Variants in RTN4IP1 observed in about 807,000 individuals in gnomAD.
RTN4IP1 encodes NAD(P)H oxidoreductase RTN4IP1, mitochondrial.
A neutral mutation model predicts 46.6 loss-of-function variants in RTN4IP1; 32 were observed. The observed-to-expected ratio is 0.69, with a 90% confidence interval of 0.52 to 0.92. The LOEUF (loss-of-function observed/expected upper bound fraction) is 0.92, where lower values mean the gene tolerates loss of function less well. Among genes scored for constraint, RTN4IP1 ranks in the 40% least tolerant of loss-of-function variants. RTN4IP1 has a pLI of 0.00. For missense variants in RTN4IP1, 424 were observed against 485.8 expected (o/e 0.87, Z 1.20); for synonymous variants, 167 against 161.8 (o/e 1.03, Z -0.24).
At chr6:106,629,632 C>CT, upstream of RTN4IP1, 3 of 1,577,348 alleles carry the variant, frequency 1.9e-6, no homozygotes, top group South Asian at 1.2e-5. Context: ...CCGGTGACCT[C>CT]TTTTTCCCCC....
intron 1 of RTN4IP1, 78 bp downstream of exon 1, chr6:106,628,670 G>A (rs1776721288): frequency 4.7e-6 from 6 of 1,281,472 alleles, no homozygotes; most frequent in South Asian, 2.9e-5. Flanking sequence ...CCAAAGAAGC[G>A]TAGTCAATTT....
At chr6:106,623,020 T>A (rs766307921) in intron 1 of RTN4IP1, 51 bp from the exon 2 acceptor site, 4 of 1,565,912 alleles carry the variant, frequency 2.6e-6, no homozygotes, top group Non-Finnish European at 1.8e-6. Flanking sequence ...TGAAATGCTT[T>A]TAAAACTACT....
rs185035279 is a variant in RTN4IP1 at position 106,581,551 on chromosome 6, C to G, written c.1083+1777G>C. 1.9e-3 allele frequency among the ~76,000 whole-genome samples: 289 copies of G among 152,332 alleles called. 2 individuals are homozygous for G. Among genetic ancestry groups the G allele is most frequent in the African/African-American group, 6.6e-3 (276 of 41,564 alleles). On this transcript the variant is annotated intron_variant, in intron 8 of 8. Coordinates refer to ENST00000369063, the MANE Select transcript of RTN4IP1 (RefSeq NM_032730.5). ...CAGTGCCACATACCAACTTCACAGT[C>G]CCAGAACCCCTCATTGCCAGAAATG...
At chr6:106,627,393 T>C (rs1025776398) in intron 1 of RTN4IP1, among the ~76,000 whole-genome samples, 6 of 152,142 alleles carry the variant, frequency 3.9e-5, no homozygotes, top group Non-Finnish European at 8.8e-5. Flanking sequence ...TACTCATAGA[T>C]AAAATACTGC....
intron 8 of RTN4IP1, among the ~76,000 whole-genome samples, 174 bp downstream of exon 8, chr6:106,583,154 C>T (rs1259074076): frequency 2.6e-5 from 4 of 152,156 alleles, no homozygotes; most frequent in Non-Finnish European, 5.9e-5. Flanking sequence ...TCTATGCCTC[C>T]CATGGAGACA....
At chr6:106,623,222 C>T (rs1418778410) in intron 1 of RTN4IP1, among the ~76,000 whole-genome samples, 1 of 152,130 alleles carries the variant, frequency 6.6e-6, no homozygotes, top group Non-Finnish European at 1.5e-5. Flanking sequence ...GAATACTATG[C>T]AGCCATAAAA....
chr6:106,629,584 A>T, upstream of RTN4IP1: 2 of 1,450,290 alleles, frequency 1.4e-6, no homozygotes, highest in Non-Finnish European at 1.9e-6. Flanking sequence ...GCTCAGTGAC[A>T]ATTAAAGATG....
chr6:106,622,028 C>A (rs1232310331), intron 2 of RTN4IP1, among the ~76,000 whole-genome samples: 1 of 151,790 alleles, frequency 6.6e-6, no homozygotes, highest in Admixed American at 6.6e-5. Context: ...CATTTAAAGG[C>A]CCTTTCAAGG....
intron 8 of RTN4IP1, among the ~76,000 whole-genome samples, chr6:106,578,207 T>C (rs188254400): frequency 6.6e-6 from 1 of 152,318 alleles, no homozygotes; most frequent in Admixed American, 6.5e-5. Flanking sequence ...GTCTGGATGA[T>C]TATTTAAGCA....
intron 1 of RTN4IP1, 69 bp from the exon 2 acceptor site, chr6:106,623,038 T>G: frequency 6.8e-7 from 1 of 1,462,352 alleles, no homozygotes. Flanking sequence ...ACTACAGGGT[T>G]ATAGTCCAGT....
In RTN4IP1 at chr6:106,572,133, TA is replaced by T. The variant is rs751122503; in HGVS notation, c.1084-31del. On this transcript the variant is annotated intron_variant, in intron 8 of 8. Transcript: ENST00000369063. ...AAAACATAAGAGGTTGACCGGTGGA[TA>T]AAAAAGCCTACATCTTTCAAGGCAG... The T allele has an allele frequency of 3.3e-6, 5 of 1,520,532 alleles. No individual in the cohort carries two copies. In the East Asian group the frequency reaches 1.1e-4, roughly 34 times the overall value. 94.2% of individuals were successfully genotyped at this position (1,520,532 alleles called of 1,614,324 possible).
intron 1 of RTN4IP1, among the ~76,000 whole-genome samples, chr6:106,624,603 T>C (rs1447366637): frequency 2.0e-5 from 3 of 151,440 alleles, no homozygotes; most frequent in Admixed American, 2.0e-4. Context: ...CCCAAAGTGC[T>C]GGGATTACAG....
intron 5 of RTN4IP1, among the ~76,000 whole-genome samples, chr6:106,599,358 A>T (rs6935354): frequency 0.61 from 93,284 of 151,762 alleles, 30,401 homozygotes; most frequent in Non-Finnish European, 0.74. Context: ...TAAGAATTAG[A>T]ATACCACCTG....
upstream of RTN4IP1, chr6:106,629,693 G>C: frequency 4.4e-6 from 7 of 1,606,368 alleles, no homozygotes; most frequent in Non-Finnish European, 5.9e-6. Flanking sequence ...TGCTGGGCCG[G>C]AGCCTCCGAG....
intron 8 of RTN4IP1, among the ~76,000 whole-genome samples, chr6:106,575,184 A>G (rs766340275): frequency 5.9e-5 from 9 of 152,212 alleles, no homozygotes; most frequent in Non-Finnish European, 1.2e-4. Context: ...TTATGTGATG[A>G]CGCTGCTATA....
At chr6:106,603,074 T>C (rs1775985160) in intron 4 of RTN4IP1, 152 bp from the exon 5 acceptor site, 1 of 540,420 alleles carries the variant, frequency 1.9e-6, no homozygotes, top group Non-Finnish European at 3.2e-6. Flanking sequence ...TACACAAGGA[T>C]TTTTATTTTA....
intron 7 of RTN4IP1, among the ~76,000 whole-genome samples, 171 bp downstream of exon 7, chr6:106,587,508 C>T (rs1388821361): frequency 6.6e-6 from 1 of 152,206 alleles, no homozygotes; most frequent in African/African-American, 2.4e-5. Flanking sequence ...CAGGGTTACA[C>T]AGCTACTAAG....
chr6:106,601,052 T>C (rs113202718), intron 5 of RTN4IP1, among the ~76,000 whole-genome samples: 1 of 152,154 alleles, frequency 6.6e-6, no homozygotes, highest in Non-Finnish European at 1.5e-5. Flanking sequence ...CCACCAGCAA[T>C]GTATGAGTGT....
At chr6:106,623,533 TAA>T (rs1415959618) in intron 1 of RTN4IP1, among the ~76,000 whole-genome samples, 1 of 152,188 alleles carries the variant, frequency 6.6e-6, no homozygotes, top group Non-Finnish European at 1.5e-5. Context: ...CCTCTCAACT[TAA>T]AAGTTTTTTA....
Sources: allele counts gnomAD v4.1 joint callset (sites outside exome capture counted in the v4.1 genomes callset), GRCh38; gene constraint gnomAD v4.1.1; transcripts MANE v1.5; gene names NCBI Gene and HGNC (gene_info 2026-07-23, HGNC 2026-07-21).